NUDT19: variants seen among roughly 807,000 people sequenced by gnomAD.
The protein encoded by NUDT19 is nudix hydrolase 19, also known as acyl-coenzyme A diphosphatase NUDT19.
NUDT19 carries 31 observed loss-of-function variants against 22.2 expected under a neutral mutation model. The ratio of observed to expected loss-of-function variants is 1.40; its 90% confidence interval spans 1.05 to 1.89. The LOEUF (loss-of-function observed/expected upper bound fraction) is 1.89, where lower values mean the gene tolerates loss of function less well. NUDT19 is among the 40% of genes most tolerant of loss of function. NUDT19 has a pLI of 0.00. For synonymous variants in NUDT19, 325 were observed against 230.8 expected, an observed-to-expected ratio of 1.41 and a Z score of -3.70; for missense variants, 752 against 514.2, an observed-to-expected ratio of 1.46 and a Z score of -4.47.
intron 1 of NUDT19, among the ~76,000 whole-genome samples, chr19:32,708,582 C>T (rs563614054): frequency 5.6e-4 from 85 of 152,204 alleles, no homozygotes; most frequent in Middle Eastern, 3.4e-3. Context: ...TGGCTGAAAC[C>T]CTACCAAGTT....
intron 1 of NUDT19, among the ~76,000 whole-genome samples, chr19:32,704,849 A>G (rs1968371004): frequency 1.3e-5 from 2 of 151,966 alleles, no homozygotes; most frequent in Non-Finnish European, 2.9e-5. Context: ...GTTCACACCT[A>G]TAATCCCAGC....
intron 1 of NUDT19, among the ~76,000 whole-genome samples, chr19:32,708,819 T>A (rs978023508): frequency 9.9e-5 from 15 of 152,176 alleles, no homozygotes; most frequent in African/African-American, 3.6e-4. Flanking sequence ...AGGCACCAAA[T>A]TCTCCATCTA....
Position 32,707,794 on chromosome 19 carries a change from C to T in NUDT19, c.715-1391C>T, listed in dbSNP as rs374342757. 1.1e-3 allele frequency among the ~76,000 whole-genome samples: 168 copies of T among 151,634 alleles called. 5 individuals carry two copies. In the South Asian group the frequency reaches 0.034, roughly 30 times the overall value. On this transcript the variant is annotated intron_variant, in intron 1 of 2. Coordinates refer to ENST00000397061, the MANE Select transcript of NUDT19 (RefSeq NM_001105570.2). Reference sequence around the variant, plus strand: ...GAGATCGAGACCATCCTGGTGAACACGGTGAAACCCCGTCTCTACTAAAAA... The same window carrying T: ...GAGATCGAGACCATCCTGGTGAACATGGTGAAACCCCGTCTCTACTAAAAA...
Position 32,692,444 on chromosome 19 carries a change from C to T in NUDT19, c.484C>T (p.Pro162Ser), listed in dbSNP as rs1568430891. Reference sequence around the variant, plus strand: ...GCCTGGCCTCGCCCTGGAGCCACCGCCGGGCCTGGCCTCCTGGCGCGACCG... The same window carrying T: ...GCCTGGCCTCGCCCTGGAGCCACCGTCGGGCCTGGCCTCCTGGCGCGACCG... ...PGPGLALEPP[P>S]GLASWRDRVR... The change falls in exon 1 of 3, where the codon CCG becomes TCG. Residue 162 changes from proline to serine, a missense_variant. Coordinates refer to ENST00000397061, the MANE Select transcript of NUDT19 (RefSeq NM_001105570.2). The T allele has an allele frequency of 1.3e-6, 2 of 1,546,580 alleles. No individual in the cohort carries two copies. Among genetic ancestry groups the T allele is most frequent in the Admixed American group, 1.9e-5 (1 of 51,430 alleles).
Position 32,691,897 on chromosome 19 carries a change from A to T in NUDT19, c.-64A>T. The T allele has an allele frequency of 1.0e-6, 1 of 977,982 alleles. No individual in the cohort carries two copies. The highest frequency in any genetic ancestry group is 1.3e-6 in the Non-Finnish European group (1 of 764,990). The allele number at this position is 977,982 out of a possible 1,614,324, so 60.6% of individuals were successfully genotyped here. ...CCCCCGGAGGTGCTGGGGTCCCTGC[A>T]GGGCCGGGCCACCTGCCGTGGAGCT... On this transcript the variant is annotated 5_prime_UTR_variant, in exon 1 of 3. Coordinates refer to ENST00000397061, the MANE Select transcript of NUDT19 (RefSeq NM_001105570.2).
chr19:32,695,639 C>T (rs1568431854), intron 1 of NUDT19, among the ~76,000 whole-genome samples: 1 of 152,184 alleles, frequency 6.6e-6, no homozygotes, highest in Non-Finnish European at 1.5e-5. Context: ...CTTATGCTGC[C>T]GTTCTCCCTT....
chr19:32,711,709 AATT>A (rs1208895151), intron 2 of NUDT19, 40 bp from the exon 3 acceptor site: 2 of 1,178,154 alleles, frequency 1.7e-6, no homozygotes, highest in Non-Finnish European at 2.5e-6. Context: ...GGTGAAAAAT[AATT>A]TTGTATTTAA....
intron 1 of NUDT19, among the ~76,000 whole-genome samples, chr19:32,699,664 A>G (rs764250696): frequency 3.3e-5 from 5 of 152,200 alleles, no homozygotes; most frequent in African/African-American, 7.2e-5. Context: ...TAGCAAGCGA[A>G]AGGGGTCCAA....
In NUDT19 at chr19:32,692,688, AGGGCCTTGCTGCGGACCG is replaced by A. The variant is rs746517483; in HGVS notation, c.714+15_714+32del. ...GTGGGCTACCAGGTAAGGCCTGCTC[AGGGCCTTGCTGCGGACCG>A]CCAGGACGTGAGAGGGAGGACCCCT... On this transcript the variant is annotated intron_variant, in intron 1 of 2. Coordinates refer to ENST00000397061, the MANE Select transcript of NUDT19 (RefSeq NM_001105570.2). 2 of 1,454,504 alleles carry A rather than the reference AGGGCCTTGCTGCGGACCG, an allele frequency of 1.4e-6. No homozygotes were observed. The highest frequency in any genetic ancestry group is 2.9e-5 in the South Asian group (2 of 69,234). 90.1% of individuals were successfully genotyped at this position (1,454,504 alleles called of 1,614,324 possible).
chr19:32,700,129 G>A (rs1375041145), intron 1 of NUDT19, among the ~76,000 whole-genome samples: 6 of 152,256 alleles, frequency 3.9e-5, no homozygotes, highest in African/African-American at 9.6e-5. Flanking sequence ...AGCATGGAAA[G>A]GGACCCGAGC....
In NUDT19 at chr19:32,692,458, C is replaced by T. The variant is rs1035066054; in HGVS notation, c.498C>T (p.Ser166=). ...TGGAGCCACCGCCGGGCCTGGCCTC[C>T]TGGCGCGACCGCGTGCGCCAGGACC... is the stretch of plus-strand genomic sequence containing the variant. ...LALEPPPGLA[S]WRDRVRQDPR... The change falls in exon 1 of 3, where the codon TCC becomes TCT. Residue 166 remains serine, a synonymous_variant. Coordinates refer to ENST00000397061, the MANE Select transcript of NUDT19 (RefSeq NM_001105570.2). 3 of 1,546,730 alleles carry T rather than the reference C, an allele frequency of 1.9e-6. No homozygotes were observed. The highest frequency in any genetic ancestry group is 1.2e-5 in the South Asian group (1 of 85,376).
At chr19:32,710,078 C>G (rs1003066916) in intron 2 of NUDT19, among the ~76,000 whole-genome samples, 1 of 151,930 alleles carries the variant, frequency 6.6e-6, no homozygotes, top group African/African-American at 2.4e-5. Flanking sequence ...GGAGTGCAAT[C>G]TGGGCTCACT....
intron 1 of NUDT19, among the ~76,000 whole-genome samples, chr19:32,708,466 A>G (rs1366566715): frequency 6.6e-6 from 1 of 152,094 alleles, no homozygotes; most frequent in Non-Finnish European, 1.5e-5. Flanking sequence ...GTTATTCCAT[A>G]TCCATTGAAT....
In NUDT19 at chr19:32,692,634, C is replaced by A; in HGVS notation, c.674C>A (p.Pro225Gln). 1 of 1,532,644 alleles carries A rather than the reference C, an allele frequency of 6.5e-7. No individual in the cohort carries two copies. Among genetic ancestry groups the A allele is most frequent in the East Asian group, 2.4e-5 (1 of 42,030 alleles). The allele number at this position is 1,532,644 out of a possible 1,614,324, so 94.9% of individuals were successfully genotyped here. A position where few individuals can be genotyped will look rare whatever the true frequency, so the allele number is the denominator to read the frequency against. Residue 225 changes from proline to glutamine, a missense_variant, in exon 1 of 3, where the codon CCG (proline) becomes CAG (glutamine). By Grantham distance (76) the Pro-to-Gln change is moderately conservative (BLOSUM62 -1). Transcript: ENST00000397061. ...AFFLCCLREP[P>Q]PVYPDLAEVV... is the part of the protein sequence containing the mutation. ...TTCCTGTGCTGCCTGCGCGAGCCGC[C>A]GCCCGTCTACCCCGACTTGGCGGAG... is the stretch of plus-strand genomic sequence containing the variant.
At chr19:32,696,413 G>A (rs1446917989) in intron 1 of NUDT19, among the ~76,000 whole-genome samples, 6 of 152,086 alleles carry the variant, frequency 3.9e-5, no homozygotes, top group Non-Finnish European at 8.8e-5. Context: ...TGGTTGTGGA[G>A]TTGTCCCATG....
At position 32,692,826 on chromosome 19, in the gene NUDT19, C is replaced by T. The variant is rs1397340497; in HGVS notation, c.714+152C>T. ...CTTAGACGGGCTGGAAACTCTCACC[C>T]CTGTAGACCAAAGCCATGCTCTTGG... On this transcript the variant is annotated intron_variant, in intron 1 of 2. Coordinates refer to ENST00000397061, the MANE Select transcript of NUDT19 (RefSeq NM_001105570.2). 3.2e-5 allele frequency: 18 copies of T among 559,570 alleles called. No homozygotes were observed. In the Admixed American group the frequency reaches 6.9e-4, roughly 22 times the overall value. The allele number at this position is 559,570 out of a possible 1,614,324, so 34.7% of individuals were successfully genotyped here.
At chr19:32,699,831 T>C (rs1599798691) in intron 1 of NUDT19, among the ~76,000 whole-genome samples, 3 of 152,086 alleles carry the variant, frequency 2.0e-5, no homozygotes, top group Non-Finnish European at 4.4e-5. Flanking sequence ...ATGGTGTGTC[T>C]GGAGTTTGTT....
At chr19:32,697,993 C>T (rs1386881353) in intron 1 of NUDT19, among the ~76,000 whole-genome samples, 1 of 152,118 alleles carries the variant, frequency 6.6e-6, no homozygotes, top group African/African-American at 2.4e-5. Flanking sequence ...GATTTCTTTG[C>T]TTATTTCCTT....
intron 1 of NUDT19, among the ~76,000 whole-genome samples, chr19:32,697,452 C>T (rs1449879422): frequency 1.3e-5 from 2 of 152,168 alleles, no homozygotes; most frequent in African/African-American, 2.4e-5. Flanking sequence ...GCATTTTCTT[C>T]CTTTCCCTGA....
Sources: gnomAD v4.1 joint callset for allele counts (sites outside exome capture counted in the v4.1 genomes callset) on GRCh38, gnomAD v4.1.1 for gene constraint, MANE v1.5 for transcripts, NCBI Gene and HGNC (gene_info 2026-07-23, HGNC 2026-07-21) for gene names.